Variants in PRELID2 observed in about 807,000 individuals in gnomAD.
PRELID2 encodes the protein PRELI domain-containing protein 2.
In PRELID2, 25 loss-of-function variants were observed where a neutral mutation model predicts 28.4. The observed-to-expected ratio is 0.88, with a 90% CI of 0.64 to 1.23. The LOEUF is 1.23. Ranked by LOEUF, PRELID2 falls within the 50% of genes most tolerant of loss-of-function variation. The pLI is 0.00. For synonymous variants in PRELID2, 76 were observed against 71.6 expected, an observed-to-expected ratio of 1.06 and a Z score of -0.31; for missense variants, 201 against 214.4, an observed-to-expected ratio of 0.94 and a Z score of 0.39.
chr5:145,726,273 G>A (rs781195970), intron 1 of PRELID2, among the ~76,000 whole-genome samples: 50 of 150,342 alleles, frequency 3.3e-4, no homozygotes, highest in Admixed American at 1.0e-3. Context: ...GGGGGAAAGA[G>A]AGAAAGAGAC....
chr5:145,603,616 A>T (rs1036266844), intron 1 of PRELID2, among the ~76,000 whole-genome samples: 3 of 152,174 alleles, frequency 2.0e-5, no homozygotes, highest in African/African-American at 7.2e-5. Flanking sequence ...AGAGATGCAG[A>T]AAAAGGTAGA....
At chr5:145,369,696 T>G in the PRELID2 span, among the ~76,000 whole-genome samples, 1 of 152,006 alleles carries the variant, frequency 6.6e-6, no homozygotes, top group African/African-American at 2.4e-5. Flanking sequence ...GGAATCACCA[T>G]ACTGTCTTCC....
At chr5:145,295,749 G>T in the PRELID2 span, among the ~76,000 whole-genome samples, 1 of 152,150 alleles carries the variant, frequency 6.6e-6, no homozygotes, top group Non-Finnish European at 1.5e-5. Context: ...TGATGGAAGA[G>T]CCAGCTATGA....
chr5:145,728,478 T>C (rs1416251583), intron 1 of PRELID2: 3 of 663,016 alleles, frequency 4.5e-6, no homozygotes, highest in African/African-American at 1.8e-5. Flanking sequence ...GAACAGGAAG[T>C]GTTCTCCCCT....
At chr5:145,402,434 C>T in the PRELID2 span, among the ~76,000 whole-genome samples, 1 of 152,112 alleles carries the variant, frequency 6.6e-6, no homozygotes, top group Non-Finnish European at 1.5e-5. Flanking sequence ...GGATTTAGGG[C>T]AAAAACTGAA....
chr5:145,693,987 G>T (rs1244468298), intron 1 of PRELID2, among the ~76,000 whole-genome samples: 1 of 152,096 alleles, frequency 6.6e-6, no homozygotes, highest in Non-Finnish European at 1.5e-5. Context: ...ACACTGCCTT[G>T]GTTCAAATCC....
chr5:145,673,642 A>T (rs895089357), intron 1 of PRELID2, among the ~76,000 whole-genome samples: 2 of 151,974 alleles, frequency 1.3e-5, no homozygotes, highest in African/African-American at 4.8e-5. Flanking sequence ...ATAAATCTAT[A>T]AAAAAAATTT....
At chr5:145,412,093 G>A in the PRELID2 span, among the ~76,000 whole-genome samples, 2 of 152,118 alleles carry the variant, frequency 1.3e-5, no homozygotes, top group East Asian at 3.9e-4. Context: ...GGGAGGGGCT[G>A]CTGTGAAGGT....
At chr5:145,833,187 T>C (rs1301988274) in intron 1 of PRELID2, among the ~76,000 whole-genome samples, 1 of 152,198 alleles carries the variant, frequency 6.6e-6, no homozygotes, top group Non-Finnish European at 1.5e-5. Flanking sequence ...AGTTTGGCAT[T>C]GTGTTATGTG....
In PRELID2 at chr5:145,590,696, T is replaced by G. The variant is rs1172959342; in HGVS notation, n.71-117381A>C. Reference sequence around the variant, plus strand: ...GGCAAATTCTCCTCATCCTATTTCTTTTCAAACTTACCTTTGTCTATTAGT... The same window carrying G: ...GGCAAATTCTCCTCATCCTATTTCTGTTCAAACTTACCTTTGTCTATTAGT... On this transcript the variant is annotated intron_variant and non_coding_transcript_variant, in intron 1 of 2. Coordinates refer to the PRELID2 transcript ENST00000510259. Among the ~76,000 whole-genome samples the G allele has an allele frequency of 2.6e-5, 4 of 152,314 alleles. No homozygotes were observed. The South Asian group carries it at 8.3e-4, about 32-fold the overall frequency.
the PRELID2 span, among the ~76,000 whole-genome samples, chr5:145,331,972 C>CA: frequency 6.6e-6 from 1 of 152,162 alleles, no homozygotes; most frequent in Non-Finnish European, 1.5e-5. Context: ...CTGGTGGTGA[C>CA]AAAATCTCTC....
the PRELID2 span, among the ~76,000 whole-genome samples, chr5:145,257,743 G>A: frequency 6.6e-6 from 1 of 152,078 alleles, no homozygotes; most frequent in Non-Finnish European, 1.5e-5. Flanking sequence ...ACAAAGAAAG[G>A]GCATTTCATA....
intron 1 of PRELID2, among the ~76,000 whole-genome samples, chr5:145,473,794 C>G (rs1210466644): frequency 6.6e-6 from 1 of 152,088 alleles, no homozygotes; most frequent in Non-Finnish European, 1.5e-5. Flanking sequence ...TTCAGATGAG[C>G]CTTAATTTTC....
chr5:145,409,656 G>A, the PRELID2 span, among the ~76,000 whole-genome samples: 15 of 151,088 alleles, frequency 9.9e-5, no homozygotes, highest in African/African-American at 3.4e-4. Context: ...GCTCATGCCT[G>A]TAATCCCAGC....
At chr5:145,470,920 A>G, downstream of PRELID2, among the ~76,000 whole-genome samples, 1 of 152,044 alleles carries the variant, frequency 6.6e-6, no homozygotes, top group East Asian at 1.9e-4. Context: ...CTTCATTTAA[A>G]CAGTCCCAAA....
intron 1 of PRELID2, among the ~76,000 whole-genome samples, chr5:145,623,654 T>C (rs537103520): frequency 6.3e-5 from 9 of 143,010 alleles, no homozygotes; most frequent in Admixed American, 6.1e-4. Context: ...GGTAGATAGG[T>C]AGGTAGGTAG....
At chr5:145,611,920 T>C (rs1753622669) in intron 1 of PRELID2, among the ~76,000 whole-genome samples, 1 of 152,194 alleles carries the variant, frequency 6.6e-6, no homozygotes, top group African/African-American at 2.4e-5. Flanking sequence ...CTACAGTTAT[T>C]ATGAAAATGT....
At chr5:145,649,827 A>C (rs1754258556) in intron 1 of PRELID2, among the ~76,000 whole-genome samples, 1 of 152,162 alleles carries the variant, frequency 6.6e-6, no homozygotes, top group Admixed American at 6.5e-5. Context: ...CAATTGTTTT[A>C]ACACTAATAT....
intron 5 of PRELID2, 120 bp downstream of exon 5, chr5:145,796,322 T>C (rs1752743653): frequency 1.9e-6 from 1 of 521,358 alleles, no homozygotes. Flanking sequence ...TTTGCATATA[T>C]TTGTTTATTA....
Sources: allele counts gnomAD v4.1 joint callset (sites outside exome capture counted in the v4.1 genomes callset), GRCh38; gene constraint gnomAD v4.1.1; transcripts MANE v1.5; gene names NCBI Gene and HGNC (gene_info 2026-07-23, HGNC 2026-07-21).